NELL1: variants seen among roughly 807,000 people sequenced by gnomAD.
NELL1 encodes neural EGFL like 1, also known as protein kinase C-binding protein NELL1.
NELL1 carries 76 observed loss-of-function variants against 107.4 expected under a neutral mutation model. That is an observed-to-expected ratio of 0.71 (90% CI 0.59 to 0.86). The LOEUF is 0.86. Ranked by LOEUF, NELL1 falls within the 40% of genes least tolerant of loss-of-function variation. The pLI, the probability that NELL1 is intolerant of heterozygous loss-of-function variation, is 0.00. For missense variants in NELL1, 1,024 were observed against 1,005.5 expected (o/e 1.02, Z -0.25); for synonymous variants, 353 against 341.2 (o/e 1.03, Z -0.38).
intron 15 of NELL1, among the ~76,000 whole-genome samples, chr11:21,468,735 G>T (rs563329358): frequency 5.3e-5 from 8 of 152,056 alleles, no homozygotes; most frequent in Non-Finnish European, 1.0e-4. Flanking sequence ...AGTGGATGGG[G>T]TGTAGAGGAG....
At chr11:21,315,157 G>A (rs1405331965) in intron 14 of NELL1, among the ~76,000 whole-genome samples, 1 of 152,126 alleles carries the variant, frequency 6.6e-6, no homozygotes, top group East Asian at 1.9e-4. Context: ...ATGCCTGGCT[G>A]AGAGCTCTTA....
chr11:21,182,521 C>T (rs139014756), intron 13 of NELL1, among the ~76,000 whole-genome samples: 1,525 of 150,746 alleles, frequency 0.01, 21 homozygotes, highest in Admixed American at 0.017. Flanking sequence ...AGTAACCACA[C>T]AAATTATTTT....
chr11:20,758,217 T>G (rs1406699164), intron 2 of NELL1, among the ~76,000 whole-genome samples: 1 of 152,184 alleles, frequency 6.6e-6, no homozygotes, highest in Non-Finnish European at 1.5e-5. Context: ...TTCACCCTGA[T>G]ATCCCCTTAT....
chr11:21,262,951 A>G (rs567025823), intron 14 of NELL1, among the ~76,000 whole-genome samples: 11 of 151,802 alleles, frequency 7.2e-5, no homozygotes, highest in African/African-American at 2.7e-4. Flanking sequence ...TATTTTACAT[A>G]TATTTGTCAT....
chr11:21,384,453 TTTA>T (rs1314302787), intron 15 of NELL1, among the ~76,000 whole-genome samples: 1 of 151,932 alleles, frequency 6.6e-6, no homozygotes, highest in African/African-American at 2.4e-5. Flanking sequence ...CATTTATTTA[TTTA>T]TTATTATACT....
In NELL1 at chr11:20,701,729, C is replaced by T. The variant is rs564823307; in HGVS notation, c.184+23669C>T. Among the ~76,000 whole-genome samples, 9 of 152,230 alleles carry T rather than the reference C, an allele frequency of 5.9e-5. No homozygotes were observed. The South Asian group carries it at 1.9e-3, about 32-fold the overall frequency. ...TCCAGTTTCAGCTTTCTACATATGGCTAGCCAGTTTTCCCAGCACCATTTA... is the reference window on the plus strand; with the variant it reads ...TCCAGTTTCAGCTTTCTACATATGGTTAGCCAGTTTTCCCAGCACCATTTA... On this transcript the variant is annotated intron_variant, in intron 2 of 19. Transcript: ENST00000357134.
intron 14 of NELL1, among the ~76,000 whole-genome samples, chr11:21,236,861 G>T (rs917072685): frequency 3.3e-5 from 5 of 152,096 alleles, no homozygotes; most frequent in Admixed American, 6.6e-5. Context: ...AATAAAAGAA[G>T]GCCTGCCAGC....
chr11:20,981,135 T>A (rs991217031), intron 12 of NELL1, among the ~76,000 whole-genome samples: 1 of 152,226 alleles, frequency 6.6e-6, no homozygotes, highest in Non-Finnish European at 1.5e-5. Context: ...CAGCTGTATG[T>A]GGAATCCACC....
At chr11:21,318,793 T>C (rs1410840083) in intron 14 of NELL1, among the ~76,000 whole-genome samples, 1 of 152,002 alleles carries the variant, frequency 6.6e-6, no homozygotes, top group Non-Finnish European at 1.5e-5. Flanking sequence ...GTTCCTACTT[T>C]GCTTTATTTC....
intron 14 of NELL1, among the ~76,000 whole-genome samples, chr11:21,234,609 CTTTAT>C (rs2133890438): frequency 6.6e-6 from 1 of 152,284 alleles, no homozygotes; most frequent in South Asian, 2.1e-4. Context: ...TAGGTGAAAT[CTTTAT>C]TTTAAGGCTC....
chr11:21,367,201 C>T (rs956468422), intron 14 of NELL1, among the ~76,000 whole-genome samples: 2 of 151,692 alleles, frequency 1.3e-5, no homozygotes, highest in South Asian at 2.1e-4. Context: ...CTAACATCTC[C>T]TCCAGTGCAG....
intron 15 of NELL1, among the ~76,000 whole-genome samples, chr11:21,529,222 G>A (rs191258314): frequency 6.6e-6 from 1 of 152,204 alleles, no homozygotes; most frequent in East Asian, 1.9e-4. Flanking sequence ...CTGGAAATTG[G>A]CCTGTAGTGA....
chr11:20,812,478 G>C (rs985215230), intron 3 of NELL1, among the ~76,000 whole-genome samples: 1 of 152,214 alleles, frequency 6.6e-6, no homozygotes, highest in Non-Finnish European at 1.5e-5. Flanking sequence ...CTCATAGAAT[G>C]AGTTTGGAAG....
chr11:20,929,195 A>G (rs1027601947), intron 9 of NELL1, among the ~76,000 whole-genome samples: 21 of 152,174 alleles, frequency 1.4e-4, no homozygotes, highest in African/African-American at 4.8e-4. Context: ...ATCAGTCCAT[A>G]TGGTCCTCTA....
Position 20,994,844 on chromosome 11 carries a change from A to G in NELL1, c.1300+34284A>G, listed in dbSNP as rs186254729. Among the ~76,000 whole-genome samples the G allele has an allele frequency of 5.3e-5, 8 of 152,340 alleles. No homozygotes were observed. In the East Asian group the frequency reaches 7.7e-4, roughly 15 times the overall value. On this transcript the variant is annotated intron_variant, in intron 12 of 19. Transcript: ENST00000357134. ...TTTTAATTTCTAATAAGGTAACCAT[A>G]TGCTTTGGAGGCTGTTGCAATAAAA...
intron 14 of NELL1, among the ~76,000 whole-genome samples, chr11:21,235,739 T>G (rs1858190131): frequency 6.6e-6 from 1 of 152,150 alleles, no homozygotes; most frequent in Non-Finnish European, 1.5e-5. Flanking sequence ...AAAGTGCTCT[T>G]AACACAGGGA....
At chr11:20,778,923 T>A (rs1236989539) in intron 2 of NELL1, among the ~76,000 whole-genome samples, 6 of 152,084 alleles carry the variant, frequency 3.9e-5, no homozygotes, top group Non-Finnish European at 8.8e-5. Context: ...CCCACCCAGT[T>A]CCTGTGTTAT....
intron 15 of NELL1, among the ~76,000 whole-genome samples, chr11:21,452,049 G>T (rs1187590454): frequency 6.6e-6 from 1 of 152,060 alleles, no homozygotes; most frequent in South Asian, 2.1e-4. Flanking sequence ...GAACACTTTC[G>T]CAGTCTCACA....
intron 15 of NELL1, among the ~76,000 whole-genome samples, chr11:21,499,808 G>A (rs1462177457): frequency 1.3e-5 from 2 of 152,132 alleles, no homozygotes; most frequent in African/African-American, 2.4e-5. Context: ...TGCCAAGGTT[G>A]CCAGTAATCA....
Sources: allele counts gnomAD v4.1 joint callset (sites outside exome capture counted in the v4.1 genomes callset), GRCh38; gene constraint gnomAD v4.1.1; transcripts MANE v1.5; gene names NCBI Gene and HGNC (gene_info 2026-07-23, HGNC 2026-07-21).